The following KHDRBS2 variants were observed in gnomAD, a reference collection of about 807,000 sequenced individuals.
KHDRBS2 encodes KH RNA binding domain containing, signal transduction associated 2.
In KHDRBS2, 26 loss-of-function variants were observed where a neutral mutation model predicts 44.3. The ratio of observed to expected loss-of-function variants is 0.59; its 90% CI spans 0.43 to 0.81. The LOEUF (loss-of-function observed/expected upper bound fraction) is 0.81, where lower values mean the gene tolerates loss of function less well. Among genes scored for constraint, KHDRBS2 ranks in the 40% least tolerant of loss-of-function variants. The pLI is 0.00. For synonymous variants in KHDRBS2, 194 were observed against 151.1 expected, an observed-to-expected ratio of 1.28 and a Z score of -2.08; for missense variants, 476 against 433.1, an observed-to-expected ratio of 1.10 and a Z score of -0.88.
intron 6 of KHDRBS2, among the ~76,000 whole-genome samples, chr6:61,863,252 T>C (rs1451965532): frequency 2.8e-5 from 4 of 143,806 alleles, no homozygotes; most frequent in Admixed American, 7.1e-5. Context: ...GTTGAGCTTT[T>C]GAAGGGGTTT....
intron 2 of KHDRBS2, among the ~76,000 whole-genome samples, chr6:62,092,022 A>G (rs1358303842): frequency 6.6e-6 from 1 of 152,180 alleles, no homozygotes; most frequent in Non-Finnish European, 1.5e-5. Flanking sequence ...TGCAAAGATA[A>G]TATAAAATTA....
chr6:61,565,610 T>C, the KHDRBS2 span, among the ~76,000 whole-genome samples: 1 of 151,982 alleles, frequency 6.6e-6, no homozygotes, highest in Non-Finnish European at 1.5e-5. Flanking sequence ...CAATCCACAA[T>C]GAGATATTAT....
chr6:61,569,967 C>T, the KHDRBS2 span, among the ~76,000 whole-genome samples: 3 of 151,966 alleles, frequency 2.0e-5, no homozygotes, highest in Non-Finnish European at 4.4e-5. Flanking sequence ...ATAGTCTACC[C>T]AAATGATAAG....
chr6:61,805,240 A>T (rs1484346740), intron 6 of KHDRBS2, among the ~76,000 whole-genome samples: 2 of 152,158 alleles, frequency 1.3e-5, no homozygotes, highest in African/African-American at 2.4e-5. Context: ...ACAAAATGCC[A>T]CCAATTTCTG....
chr6:61,899,810 T>G (rs1389083048), intron 5 of KHDRBS2, among the ~76,000 whole-genome samples: 6 of 145,140 alleles, frequency 4.1e-5, no homozygotes, highest in Non-Finnish European at 7.6e-5. Context: ...TATACTTACG[T>G]TCAACCACAT....
At chr6:62,248,750 T>C (rs910368679) in intron 1 of KHDRBS2, among the ~76,000 whole-genome samples, 8 of 152,124 alleles carry the variant, frequency 5.3e-5, no homozygotes, top group Non-Finnish European at 8.8e-5. Context: ...TGATTTTACT[T>C]TGAGGAAAAC....
chr6:62,170,120 G>A (rs974911962), intron 2 of KHDRBS2, among the ~76,000 whole-genome samples: 4 of 151,852 alleles, frequency 2.6e-5, no homozygotes, highest in Non-Finnish European at 5.9e-5. Flanking sequence ...AGGCACAATC[G>A]TGTTCCCTGG....
intron 1 of KHDRBS2, among the ~76,000 whole-genome samples, chr6:62,192,967 A>C (rs1458512918): frequency 1.3e-5 from 2 of 152,132 alleles, no homozygotes; most frequent in African/African-American, 4.8e-5. Context: ...ATGCAAATTG[A>C]GAAGTTTATT....
chr6:62,113,270 C>A (rs1305169683), intron 2 of KHDRBS2, among the ~76,000 whole-genome samples: 3 of 151,968 alleles, frequency 2.0e-5, no homozygotes, highest in African/African-American at 7.2e-5. Context: ...CTGACTTCTA[C>A]CTAAACTCAG....
At chr6:62,163,646 C>T (rs1013281260) in intron 2 of KHDRBS2, among the ~76,000 whole-genome samples, 3 of 151,890 alleles carry the variant, frequency 2.0e-5, no homozygotes, top group African/African-American at 7.2e-5. Context: ...CTCAATGCCT[C>T]CTCAGATAAA....
the KHDRBS2 span, among the ~76,000 whole-genome samples, chr6:61,568,461 G>A: frequency 8.5e-5 from 13 of 152,182 alleles, no homozygotes; most frequent in African/African-American, 3.1e-4. Context: ...AGAACAGCAT[G>A]TGGAGACTCA....
intron 6 of KHDRBS2, among the ~76,000 whole-genome samples, chr6:61,743,753 G>A (rs1776472700): frequency 1.3e-5 from 2 of 151,116 alleles, no homozygotes; most frequent in South Asian, 4.2e-4. Context: ...TTAGCATTAA[G>A]TATATCTCTT....
In KHDRBS2 at chr6:62,177,179, T is replaced by C. The variant is rs767487540; in HGVS notation, c.219+6A>G. On this transcript the variant is annotated splice_donor_region_variant and intron_variant, in intron 2 of 8. Coordinates refer to ENST00000281156, the MANE Select transcript of KHDRBS2 (RefSeq NM_152688.4). ...TTATATGAGAACAAAGTATATATGG[T>C]AGTACCTTTGGATACTGCTTGACAG... The C allele has an allele frequency of 2.6e-5, 40 of 1,532,004 alleles. No individual in the cohort carries two copies. The highest frequency in any genetic ancestry group is 4.6e-5 in the South Asian group (4 of 87,308). The allele number at this position is 1,532,004 out of a possible 1,614,324, so 94.9% of individuals were successfully genotyped here.
chr6:62,278,214 C>G (rs1209328002), intron 1 of KHDRBS2, among the ~76,000 whole-genome samples: 1 of 151,890 alleles, frequency 6.6e-6, no homozygotes, highest in Non-Finnish European at 1.5e-5. Context: ...ATAATATAGC[C>G]AAACCAAAAA....
At chr6:62,058,455 C>G (rs1296331489) in intron 2 of KHDRBS2, among the ~76,000 whole-genome samples, 4 of 151,874 alleles carry the variant, frequency 2.6e-5, no homozygotes, top group African/African-American at 9.7e-5. Context: ...AGCGACTGTT[C>G]TGTGCTTTGG....
intron 6 of KHDRBS2, among the ~76,000 whole-genome samples, chr6:61,818,872 T>A (rs1369879683): frequency 6.6e-6 from 1 of 151,962 alleles, no homozygotes; most frequent in African/African-American, 2.4e-5. Context: ...TTGAGCGATA[T>A]TTTTTCCTCA....
intron 6 of KHDRBS2, among the ~76,000 whole-genome samples, chr6:61,764,661 CTGTATATA>C (rs540111323): frequency 8.3e-4 from 127 of 152,106 alleles, no homozygotes; most frequent in African/African-American, 3.1e-3. Context: ...TGTTTGTTTG[CTGTATATA>C]TGTCTTCTTT....
chr6:61,721,421 T>A (rs1452035425), intron 7 of KHDRBS2, among the ~76,000 whole-genome samples: 1 of 151,076 alleles, frequency 6.6e-6, no homozygotes, highest in East Asian at 2.0e-4. Flanking sequence ...GCATGGAATG[T>A]TCTTCCATTT....
chr6:62,006,186 C>T (rs943860328), intron 3 of KHDRBS2, among the ~76,000 whole-genome samples: 1 of 151,740 alleles, frequency 6.6e-6, no homozygotes, highest in Non-Finnish European at 1.5e-5. Context: ...GCAAAGAAAA[C>T]CTCTAAAAAG....
Sources: gnomAD v4.1 joint callset for allele counts (sites outside exome capture counted in the v4.1 genomes callset) on GRCh38, gnomAD v4.1.1 for gene constraint, MANE v1.5 for transcripts, NCBI Gene and HGNC (gene_info 2026-07-23, HGNC 2026-07-21) for gene names.